ARHGAP15: variants seen among roughly 807,000 people sequenced by gnomAD.
ARHGAP15 encodes the protein rho GTPase-activating protein 15.
Under a neutral mutation model 63.7 loss-of-function variants are expected in ARHGAP15, and 51 were observed. That is an observed-to-expected ratio of 0.80 (90% CI 0.64 to 1.01). The LOEUF is 1.01. ARHGAP15 is among the 50% of genes least tolerant of loss of function. ARHGAP15 has a pLI of 0.00. For synonymous variants in ARHGAP15, 191 were observed against 193.8 expected, an observed-to-expected ratio of 0.99 and a Z score of 0.12; for missense variants, 560 against 564.6, an observed-to-expected ratio of 0.99 and a Z score of 0.08.
chr2:143,210,886 A>T (rs1380904809), intron 3 of ARHGAP15, among the ~76,000 whole-genome samples: 1 of 151,376 alleles, frequency 6.6e-6, no homozygotes, highest in Non-Finnish European at 1.5e-5. Context: ...TATTTGGTTT[A>T]CCACTTCTTA....
chr2:143,218,242 G>A lies in ARHGAP15; in HGVS notation c.296+1797G>A, dbSNP rs1029548596. On this transcript the variant is annotated intron_variant, in intron 4 of 13. Transcript: ENST00000295095. ...TTGCATACCATTATGCATTCTTTCA[G>A]CCTTTTCCACTTAAAGTTATATGTT... 4.9e-5 allele frequency among the ~76,000 whole-genome samples: 7 copies of A among 143,250 alleles called. No homozygotes were observed. In the East Asian group the frequency reaches 1.2e-3, roughly 25 times the overall value. The allele number at this position is 143,250 out of a possible 152,430, so 94.0% of individuals were successfully genotyped here. A position where few individuals can be genotyped will look rare whatever the true frequency, so the allele number is the denominator to read the frequency against.
At chr2:143,548,959 A>G (rs1695446118) in intron 10 of ARHGAP15, among the ~76,000 whole-genome samples, 1 of 152,122 alleles carries the variant, frequency 6.6e-6, no homozygotes, top group African/African-American at 2.4e-5. Flanking sequence ...AAATGCATAA[A>G]TGATAGTAGG....
At chr2:143,259,975 C>T (rs904993089) in intron 6 of ARHGAP15, among the ~76,000 whole-genome samples, 1 of 152,004 alleles carries the variant, frequency 6.6e-6, no homozygotes, top group African/African-American at 2.4e-5. Flanking sequence ...GCTTTAATCC[C>T]TCATTTGGAT....
At chr2:143,579,693 C>G (rs1249178271) in intron 11 of ARHGAP15, among the ~76,000 whole-genome samples, 2 of 133,998 alleles carry the variant, frequency 1.5e-5, no homozygotes, top group South Asian at 2.4e-4. Flanking sequence ...ATCTTTTTGT[C>G]GAGGGAAGAA....
chr2:143,482,335 A>G (rs1425770209), intron 8 of ARHGAP15, among the ~76,000 whole-genome samples: 3 of 152,232 alleles, frequency 2.0e-5, no homozygotes, highest in Non-Finnish European at 4.4e-5. Flanking sequence ...AAGTAGTTGA[A>G]TCTCTGAGGG....
intron 7 of ARHGAP15, 149 bp downstream of exon 7, chr2:143,435,848 A>T: frequency 1.3e-6 from 1 of 781,900 alleles, no homozygotes; most frequent in Non-Finnish European, 1.9e-6. Context: ...AATCTACTAA[A>T]AACCTTTTCA....
rs150700110 is a variant in ARHGAP15, at chr2:143,190,832, G to A, written c.166-11302G>A. ...AACTGCACCCCGGGAGTGCAGGGGT[G>A]CAATCTCGGCTCACTGCAACCTCCG... On this transcript the variant is annotated intron_variant, in intron 2 of 13. Coordinates refer to ENST00000295095, the MANE Select transcript of ARHGAP15 (RefSeq NM_018460.4). 3.5e-3 allele frequency among the ~76,000 whole-genome samples: 528 copies of A among 152,330 alleles called. 5 individuals are homozygous for A. The highest frequency in any genetic ancestry group is 0.012 in the African/African-American group (507 of 41,586).
At chr2:143,326,133 G>A (rs1684239514) in intron 6 of ARHGAP15, among the ~76,000 whole-genome samples, 1 of 152,134 alleles carries the variant, frequency 6.6e-6, no homozygotes, top group East Asian at 1.9e-4. Context: ...CAATAGATTA[G>A]AGATACTTAA....
At chr2:143,659,649 G>A (rs530884061) in intron 12 of ARHGAP15, among the ~76,000 whole-genome samples, 1 of 152,310 alleles carries the variant, frequency 6.6e-6, no homozygotes, top group South Asian at 2.1e-4. Context: ...TACCGCCCTA[G>A]GGGCTAGTGG....
chr2:143,218,200 T>C (rs1403351024), intron 4 of ARHGAP15, among the ~76,000 whole-genome samples: 1 of 152,188 alleles, frequency 6.6e-6, no homozygotes, highest in Non-Finnish European at 1.5e-5. Flanking sequence ...GTTTGTACTC[T>C]GTTTTATTAT....
chr2:143,235,627 T>C (rs564086983), intron 5 of ARHGAP15, among the ~76,000 whole-genome samples: 1 of 152,334 alleles, frequency 6.6e-6, no homozygotes, highest in East Asian at 1.9e-4. Flanking sequence ...CAGTGGTATG[T>C]GTCTTAAAAG....
intron 9 of ARHGAP15, among the ~76,000 whole-genome samples, chr2:143,492,917 C>T (rs941363143): frequency 3.3e-5 from 5 of 151,832 alleles, no homozygotes; most frequent in African/African-American, 1.2e-4. Flanking sequence ...AATTAGCCAG[C>T]CGTGGTGGCG....
intron 4 of ARHGAP15, among the ~76,000 whole-genome samples, chr2:143,222,132 A>G (rs1448612111): frequency 6.6e-6 from 1 of 152,224 alleles, no homozygotes; most frequent in South Asian, 2.1e-4. Flanking sequence ...ACCTTTTAGC[A>G]GTCATAAATT....
chr2:143,543,161 A>T (rs544777018), intron 10 of ARHGAP15, among the ~76,000 whole-genome samples: 3 of 152,028 alleles, frequency 2.0e-5, no homozygotes, highest in African/African-American at 7.2e-5. Flanking sequence ...ATTCCCACCA[A>T]TAATATAAAA....
At chr2:143,354,989 G>T (rs772165720) in intron 6 of ARHGAP15, among the ~76,000 whole-genome samples, 4 of 152,048 alleles carry the variant, frequency 2.6e-5, no homozygotes, top group Non-Finnish European at 2.9e-5. Context: ...CATTGTAAGC[G>T]TTTTTTAACA....
intron 11 of ARHGAP15, among the ~76,000 whole-genome samples, chr2:143,619,831 T>C (rs191596927): frequency 2.0e-5 from 3 of 152,274 alleles, no homozygotes; most frequent in African/African-American, 7.2e-5. Context: ...CTTCACCTTC[T>C]CCCATGATTG....
chr2:143,470,526 T>A (rs1691467273), intron 8 of ARHGAP15, among the ~76,000 whole-genome samples: 1 of 148,252 alleles, frequency 6.7e-6, no homozygotes, highest in Admixed American at 6.8e-5. Context: ...TTCTTTTGTT[T>A]TATATATATA....
At chr2:143,687,402 G>T (rs904353007) in intron 12 of ARHGAP15, among the ~76,000 whole-genome samples, 6 of 152,158 alleles carry the variant, frequency 3.9e-5, no homozygotes, top group Admixed American at 1.3e-4. Context: ...TTGAGGAAGA[G>T]CCAGAAATTA....
chr2:143,605,858 CAAAAAAAAAAA>C (rs373847590), intron 11 of ARHGAP15, among the ~76,000 whole-genome samples: 33,844 of 85,558 alleles, frequency 0.4, 5,832 homozygotes, highest in African/African-American at 0.56. Context: ...TACTAAAATA[CAAAAAAAAAAA>C]AAAAAAAAAA....
Sources: allele counts gnomAD v4.1 joint callset (sites outside exome capture counted in the v4.1 genomes callset), GRCh38; gene constraint gnomAD v4.1.1; transcripts MANE v1.5; gene names NCBI Gene and HGNC (gene_info 2026-07-23, HGNC 2026-07-21).